PALS2: variants seen among roughly 807,000 people sequenced by gnomAD.
The protein encoded by PALS2 is protein PALS2.
In PALS2, 27 loss-of-function variants were observed where a neutral mutation model predicts 61.6. That is an observed-to-expected ratio of 0.44 (90% CI 0.32 to 0.60). PALS2 has a LOEUF of 0.60. PALS2 is among the 20% of genes least tolerant of loss of function. The probability of loss-of-function intolerance (pLI) is 0.05; values close to 1 mark genes in which losing one functional copy is unlikely to be tolerated. For synonymous variants in PALS2, 236 were observed against 218.6 expected (o/e 1.08, Z -0.70); for missense variants, 554 against 639.4 (o/e 0.87, Z 1.44).
intron 1 of PALS2, among the ~76,000 whole-genome samples, chr7:24,592,498 T>C (rs1783326870): frequency 6.6e-6 from 1 of 152,024 alleles, no homozygotes. Context: ...GGGAAACTAT[T>C]GGATGATTTT....
intron 1 of PALS2, among the ~76,000 whole-genome samples, chr7:24,597,560 G>T (rs1002559215): frequency 2.6e-5 from 4 of 152,172 alleles, no homozygotes; most frequent in Admixed American, 2.0e-4. Context: ...GGATGGAGAA[G>T]ATGTTAGCAC....
intron 1 of PALS2, among the ~76,000 whole-genome samples, chr7:24,610,876 A>G (rs1003419001): frequency 3.3e-5 from 5 of 152,144 alleles, no homozygotes; most frequent in African/African-American, 1.2e-4. Flanking sequence ...TGGATACTGT[A>G]AGTTATGCAA....
At chr7:24,670,709 AC>A (rs1448690807) in intron 9 of PALS2, among the ~76,000 whole-genome samples, 2 of 151,648 alleles carry the variant, frequency 1.3e-5, no homozygotes, top group African/African-American at 4.8e-5. Flanking sequence ...CAACTTCCTC[AC>A]CCCCTGCTGC....
intron 1 of PALS2, among the ~76,000 whole-genome samples, chr7:24,605,036 G>C (rs1159530636): frequency 6.6e-6 from 1 of 152,130 alleles, no homozygotes; most frequent in African/African-American, 2.4e-5. Flanking sequence ...GCAATTTTCA[G>C]CACCCTTAAA....
intron 2 of PALS2, among the ~76,000 whole-genome samples, chr7:24,632,676 C>A (rs189854237): frequency 3.9e-5 from 6 of 152,084 alleles, no homozygotes; most frequent in Admixed American, 1.3e-4. Context: ...TGTGAGCCAC[C>A]GCATCCAGCC....
At chr7:24,672,013 T>C (rs1787322602) in intron 9 of PALS2, among the ~76,000 whole-genome samples, 1 of 151,362 alleles carries the variant, frequency 6.6e-6, no homozygotes, top group Non-Finnish European at 1.5e-5. Flanking sequence ...TTGTTTTGGC[T>C]CTTCTGGGTT....
intron 1 of PALS2, among the ~76,000 whole-genome samples, chr7:24,612,510 G>C (rs1005166332): frequency 6.6e-6 from 1 of 151,646 alleles, no homozygotes; most frequent in African/African-American, 2.4e-5. Flanking sequence ...GAATAATTTG[G>C]AGAGAATTGG....
chr7:24,636,654 ATATG>A (rs1325645004), intron 2 of PALS2, among the ~76,000 whole-genome samples: 2 of 152,204 alleles, frequency 1.3e-5, no homozygotes, highest in African/African-American at 4.8e-5. Flanking sequence ...AATATGTACA[ATATG>A]TATCAATTAG....
chr7:24,674,015 A>G (rs1787437409), intron 9 of PALS2, among the ~76,000 whole-genome samples: 1 of 152,018 alleles, frequency 6.6e-6, no homozygotes, highest in African/African-American at 2.4e-5. Context: ...ATATATATAT[A>G]AATAGGTTCA....
At chr7:24,673,107 A>G (rs1203553950) in intron 9 of PALS2, among the ~76,000 whole-genome samples, 3 of 152,294 alleles carry the variant, frequency 2.0e-5, no homozygotes, top group Admixed American at 1.3e-4. Flanking sequence ...CTTTTTACCA[A>G]GAAAGGGTAC....
At chr7:24,646,116 C>T (rs1279566735) in intron 3 of PALS2, among the ~76,000 whole-genome samples, 1 of 152,058 alleles carries the variant, frequency 6.6e-6, no homozygotes. Flanking sequence ...AGTTTGTCTT[C>T]CTCTCATCCT....
At chr7:24,673,113 G>C (rs1446349480) in intron 9 of PALS2, among the ~76,000 whole-genome samples, 1 of 151,934 alleles carries the variant, frequency 6.6e-6, no homozygotes, top group Non-Finnish European at 1.5e-5. Flanking sequence ...ACCAAGAAAG[G>C]GTACTAGATC....
At chr7:24,616,214 A>G (rs1006156397) in intron 1 of PALS2, among the ~76,000 whole-genome samples, 60 of 152,306 alleles carry the variant, frequency 3.9e-4, no homozygotes, top group African/African-American at 1.3e-3. Flanking sequence ...AGAAAGGAGA[A>G]AGAAATAAAA....
chr7:24,676,146 T>C (rs1413545531), intron 9 of PALS2, among the ~76,000 whole-genome samples: 2 of 152,010 alleles, frequency 1.3e-5, no homozygotes, highest in Non-Finnish European at 1.5e-5. Flanking sequence ...TGGCCAGTGA[T>C]GGTGAGCATT....
At chr7:24,590,412 C>T (rs1462351644) in intron 1 of PALS2, among the ~76,000 whole-genome samples, 1 of 152,108 alleles carries the variant, frequency 6.6e-6, no homozygotes, top group Non-Finnish European at 1.5e-5. Context: ...TTCTTTGGCA[C>T]CTGTGGAAGC....
chr7:24,602,095 A>C (rs1783739782), intron 1 of PALS2, among the ~76,000 whole-genome samples: 1 of 150,460 alleles, frequency 6.6e-6, no homozygotes, highest in Non-Finnish European at 1.5e-5. Flanking sequence ...CTGTTTTTCT[A>C]CTCCTGTGCT....
chr7:24,687,480 C>T lies in PALS2; in HGVS notation c.1489C>T (p.Gln497Ter), dbSNP rs1788265936. The T allele has an allele frequency of 6.2e-7, 1 of 1,612,172 alleles. No individual in the cohort carries two copies. The highest frequency in any genetic ancestry group is 1.7e-5 in the Admixed American group (1 of 59,650). The part of the protein sequence containing the change: ...KKTVDESARI[Q>*]RAYNHYFDLI... ...AACAGTGGATGAAAGTGCACGGATT[C>T]AGAGAGCATACAACCACTATTTTGA... is the stretch of plus-strand genomic sequence containing the variant. The change falls in exon 12 of 12, where the codon CAG becomes TAG. Residue 497 changes from glutamine to a stop codon, truncating the protein, a stop_gained. Transcript: ENST00000222644. LOFTEE classifies it high-confidence loss of function. This position sits in a 1 kb window ranked among gnomAD's most constrained non-coding sequence, Gnocchi z 4.5.
chr7:24,621,272 G>T (rs1367601057), intron 1 of PALS2, among the ~76,000 whole-genome samples: 2 of 152,136 alleles, frequency 1.3e-5, no homozygotes, highest in East Asian at 3.9e-4. Context: ...AACCCCCATG[G>T]ATGAACCTGT....
chr7:24,659,423 A>G (rs559904858), intron 5 of PALS2, among the ~76,000 whole-genome samples: 69 of 152,336 alleles, frequency 4.5e-4, no homozygotes, highest in African/African-American at 1.4e-3. Context: ...AGAAATCTCC[A>G]AAGTGCTTTC....
Sources: allele counts gnomAD v4.1 joint callset (sites outside exome capture counted in the v4.1 genomes callset), GRCh38; gene constraint gnomAD v4.1.1; non-coding constraint Gnocchi (gnomAD v3.1); transcripts MANE v1.5; gene names NCBI Gene and HGNC (gene_info 2026-07-23, HGNC 2026-07-21).